PCDH15: variants seen among roughly 807,000 people sequenced by gnomAD.
The protein encoded by PCDH15 is protocadherin-15.
A neutral mutation model predicts 178.5 loss-of-function variants in PCDH15; 129 were observed. The observed-to-expected ratio is 0.72, with a 90% CI of 0.63 to 0.84. The LOEUF is 0.84. PCDH15 is among the 40% of genes least tolerant of loss of function. PCDH15 has a pLI of 0.00. For synonymous variants in PCDH15, 800 were observed against 732.0 expected, an observed-to-expected ratio of 1.09 and a Z score of -1.50; for missense variants, 2,230 against 2,099.9, an observed-to-expected ratio of 1.06 and a Z score of -1.21.
chr10:55,525,958 C>T (rs758403103), intron 2 of PCDH15, among the ~76,000 whole-genome samples: 3 of 151,862 alleles, frequency 2.0e-5, no homozygotes, highest in African/African-American at 7.2e-5. Context: ...CCTGAGAAGA[C>T]TCTATTTCAT....
At chr10:54,883,147 G>T (rs1043646046) in intron 3 of PCDH15, among the ~76,000 whole-genome samples, 2 of 151,758 alleles carry the variant, frequency 1.3e-5, no homozygotes, top group Non-Finnish European at 2.9e-5. Context: ...AATCATCCAG[G>T]GAAAACTGAA....
chr10:54,884,756 G>A (rs1034850360), intron 3 of PCDH15, among the ~76,000 whole-genome samples: 2 of 151,964 alleles, frequency 1.3e-5, no homozygotes, highest in Non-Finnish European at 2.9e-5. Context: ...TTTTCTCAGT[G>A]TAATATGAAT....
intron 1 of PCDH15, among the ~76,000 whole-genome samples, chr10:54,673,447 GT>G: frequency 6.6e-6 from 1 of 151,882 alleles, no homozygotes; most frequent in East Asian, 1.9e-4. Flanking sequence ...TTTGTTGTTT[GT>G]TTGTTTTGAG....
Position 55,199,553 on chromosome 10 carries a change from T to A in PCDH15, c.-155-32902A>T, listed in dbSNP as rs1840184868. Among the ~76,000 whole-genome samples, 5 of 152,096 alleles carry A rather than the reference T, an allele frequency of 3.3e-5. No homozygotes were observed. In the South Asian group the frequency reaches 1.0e-3, roughly 32 times the overall value. ...AAAAAAAAAATTTCTGGGGAGAAAT[T>A]CAAGCCCACTGCAGAAATTTATATA... On this transcript the variant is annotated intron_variant, in intron 1 of 5. Coordinates refer to the PCDH15 transcript ENST00000458638.
chr10:55,391,245 CT>C (rs772142681), intron 2 of PCDH15, among the ~76,000 whole-genome samples: 3,168 of 143,358 alleles, frequency 0.022, 41 homozygotes, highest in African/African-American at 0.044. Flanking sequence ...ACAGAGACAG[CT>C]TTTTTTTTTT....
chr10:54,544,614 C>G (rs2085642870), intron 2 of PCDH15, among the ~76,000 whole-genome samples: 1 of 152,176 alleles, frequency 6.6e-6, no homozygotes, highest in Non-Finnish European at 1.5e-5. Flanking sequence ...ATTTTGCCAA[C>G]AGTAAGCTCT....
intron 3 of PCDH15, among the ~76,000 whole-genome samples, chr10:54,480,911 A>T (rs1269086075): frequency 6.6e-6 from 1 of 151,952 alleles, no homozygotes; most frequent in Non-Finnish European, 1.5e-5. Context: ...GATATAAGAC[A>T]GTGATTTTCA....
chr10:54,385,351 C>T (rs1490882681), intron 3 of PCDH15, among the ~76,000 whole-genome samples: 1 of 151,960 alleles, frequency 6.6e-6, no homozygotes, highest in Non-Finnish European at 1.5e-5. Context: ...TATGACAATA[C>T]TAAATGTGAA....
chr10:54,636,564 T>G (rs1390871893), intron 2 of PCDH15, among the ~76,000 whole-genome samples: 1 of 152,044 alleles, frequency 6.6e-6, no homozygotes, highest in Non-Finnish European at 1.5e-5. Context: ...TAAATACATT[T>G]TCTAGAAGCC....
At chr10:55,490,825 T>A (rs1445541364) in intron 2 of PCDH15, among the ~76,000 whole-genome samples, 1 of 151,520 alleles carries the variant, frequency 6.6e-6, no homozygotes, top group Non-Finnish European at 1.5e-5. Flanking sequence ...TAAACACAAA[T>A]AAAATCACGT....
At chr10:55,501,342 G>A (rs560842606) in intron 2 of PCDH15, among the ~76,000 whole-genome samples, 13 of 151,724 alleles carry the variant, frequency 8.6e-5, no homozygotes, top group African/African-American at 3.1e-4. Context: ...TTAAGCCACC[G>A]AATTTATATT....
chr10:54,944,339 T>C (rs1042208391), intron 2 of PCDH15, among the ~76,000 whole-genome samples: 1 of 151,980 alleles, frequency 6.6e-6, no homozygotes, highest in East Asian at 1.9e-4. Context: ...TTTCTGTGAA[T>C]TACAAGTCAG....
At chr10:54,402,212 T>C (rs1420688074) in intron 3 of PCDH15, among the ~76,000 whole-genome samples, 1 of 151,820 alleles carries the variant, frequency 6.6e-6, no homozygotes, top group Non-Finnish European at 1.5e-5. Flanking sequence ...AAATTAGGAA[T>C]AGAAAGTAAC....
intron 15 of PCDH15, among the ~76,000 whole-genome samples, chr10:54,109,932 G>A (rs2094985451): frequency 6.6e-6 from 1 of 152,098 alleles, no homozygotes. Flanking sequence ...CTGCATTCCT[G>A]TATCAAAATA....
intron 15 of PCDH15, 78 bp downstream of exon 15, chr10:54,132,797 A>T: frequency 4.5e-6 from 7 of 1,547,960 alleles, no homozygotes; most frequent in Non-Finnish European, 6.1e-6. Context: ...TCCATACACA[A>T]ATATAAACTC....
chr10:54,448,766 C>G (rs2076289880), intron 3 of PCDH15, among the ~76,000 whole-genome samples: 1 of 151,738 alleles, frequency 6.6e-6, no homozygotes, highest in South Asian at 2.1e-4. Context: ...TAACTTCCTT[C>G]TCTGAAAGGC....
chr10:55,145,542 A>G (rs962868804), intron 2 of PCDH15, among the ~76,000 whole-genome samples: 1 of 151,934 alleles, frequency 6.6e-6, no homozygotes, highest in East Asian at 1.9e-4. Flanking sequence ...TAGGAGCTAT[A>G]AACTTTTTCT....
chr10:54,020,841 AAAT>A (rs1347694132), intron 19 of PCDH15, among the ~76,000 whole-genome samples: 1 of 152,114 alleles, frequency 6.6e-6, no homozygotes, highest in Non-Finnish European at 1.5e-5. Flanking sequence ...TTTTAAATAA[AAAT>A]AAATACTGAG....
chr10:55,178,522 A>C (rs1839555955), intron 1 of PCDH15, among the ~76,000 whole-genome samples: 2 of 152,064 alleles, frequency 1.3e-5, no homozygotes, highest in Non-Finnish European at 2.9e-5. Flanking sequence ...CAATTAGCCC[A>C]GTGGTTGTTC....
Sources: allele counts gnomAD v4.1 joint callset (sites outside exome capture counted in the v4.1 genomes callset), GRCh38; gene constraint gnomAD v4.1.1; transcripts MANE v1.5; gene names NCBI Gene and HGNC (gene_info 2026-07-23, HGNC 2026-07-21).